Variants in NFIX observed in about 807,000 individuals in gnomAD.
NFIX encodes nuclear factor I X.
In NFIX, 2 loss-of-function variants were observed where a neutral mutation model predicts 53.3. The ratio of observed to expected loss-of-function variants is 0.04; its 90% CI spans 0.02 to 0.12. The LOEUF is 0.12. Ranked by LOEUF, NFIX falls within the 10% of genes least tolerant of loss-of-function variation. The pLI is 1.00. For synonymous variants in NFIX, 244 were observed against 289.0 expected, an observed-to-expected ratio of 0.84 and a Z score of 1.58; for missense variants, 310 against 674.5, an observed-to-expected ratio of 0.46 and a Z score of 5.99.
In NFIX at chr19:13,012,905, G is replaced by A. The variant is rs1207970306; in HGVS notation, c.28-12116G>A. Reference sequence around the variant, plus strand: ...CTTCTCTTTTGGGGGAGTAAAGGCGGGGAAATTTACCAGGGGAGATTTTTG... The same window carrying A: ...CTTCTCTTTTGGGGGAGTAAAGGCGAGGAAATTTACCAGGGGAGATTTTTG... On this transcript the variant is annotated intron_variant, in intron 1 of 10. Coordinates refer to ENST00000592199, the MANE Select transcript of NFIX (RefSeq NM_001365902.3). This position sits in a 1 kb window ranked among gnomAD's most constrained non-coding sequence, Gnocchi z 5.0. Among the ~76,000 whole-genome samples, 1 of 151,768 alleles carries A rather than the reference G, an allele frequency of 6.6e-6. No individual in the cohort carries two copies. The highest frequency in any genetic ancestry group is 2.4e-5 in the African/African-American group (1 of 41,402).
rs1049327584 is a variant in NFIX at position 13,043,768 on chromosome 19, G to A, written c.559+18216G>A. ...AAGTGAGCATGCTCTCATCAGACTT[G>A]GTCCCCACTGCCATGGCACTCTTAT... On this transcript the variant is annotated intron_variant, in intron 2 of 10. Coordinates refer to ENST00000592199, the MANE Select transcript of NFIX (RefSeq NM_001365902.3). The surrounding 1 kb of genome is among the most constrained non-coding windows in gnomAD (Gnocchi z 4.0). Among the ~76,000 whole-genome samples the A allele has an allele frequency of 1.3e-5, 2 of 152,136 alleles. No homozygotes were observed. The highest frequency in any genetic ancestry group is 1.3e-4 in the Admixed American group (2 of 15,284).
Position 12,998,965 on chromosome 19 carries a change from C to G in NFIX, c.27+3101C>G, listed in dbSNP as rs1378738062. Among the ~76,000 whole-genome samples, 1 of 152,070 alleles carries G rather than the reference C, an allele frequency of 6.6e-6. No homozygotes were observed. Among genetic ancestry groups the G allele is most frequent in the East Asian group, 1.9e-4 (1 of 5,188 alleles). On this transcript the variant is annotated intron_variant, in intron 1 of 10. Transcript: ENST00000592199. The surrounding 1 kb of genome is among the most constrained non-coding windows in gnomAD (Gnocchi z 4.4). The stretch of plus-strand genomic sequence containing the variant: ...AAACCCCTCGAGATGATACAGATAG[C>G]GACGAAGGCACATGGAGACCACGAC...
chr19:13,010,291 A>T (rs560692719), intron 1 of NFIX, among the ~76,000 whole-genome samples: 1 of 152,318 alleles, frequency 6.6e-6, no homozygotes, highest in Admixed American at 6.5e-5. Context: ...GTTACTCCCA[A>T]GGCGTGCGCA....
rs1282068035 is a variant in NFIX, at chr19:13,090,521, G to A, written c.1494+131G>A. 2.3e-6 allele frequency: 2 copies of A among 884,272 alleles called. No homozygotes were observed. Among genetic ancestry groups the A allele is most frequent in the East Asian group, 5.1e-5 (2 of 39,298 alleles). 54.8% of individuals were successfully genotyped at this position (884,272 alleles called of 1,614,324 possible). ...GAGAGAGAGGTCTGAGGTGGGGCTG[G>A]AGGGCCCAGGCTTTTGCACGCCCAG... On this transcript the variant is annotated intron_variant, in intron 10 of 10. Coordinates refer to ENST00000592199, the MANE Select transcript of NFIX (RefSeq NM_001365902.3). This position sits in a 1 kb window ranked among gnomAD's most constrained non-coding sequence, Gnocchi z 6.6.
At position 13,097,314 on chromosome 19, in the gene NFIX, AC is replaced by A. The variant is rs1193819666; in HGVS notation, c.*2666del. ...GTTCACATTTTAGAGTTTAAAAAAA[AC>A]ACCTCGACATTTAAAAAATCAACCA... is the stretch of plus-strand genomic sequence containing the variant. On this transcript the variant is annotated 3_prime_UTR_variant, in exon 11 of 11. Coordinates refer to ENST00000592199, the MANE Select transcript of NFIX (RefSeq NM_001365902.3). 2 of 151,712 alleles carry A rather than the reference AC, an allele frequency of 1.3e-5. No individual in the cohort carries two copies. Among genetic ancestry groups the A allele is most frequent in the Non-Finnish European group, 2.9e-5 (2 of 67,856 alleles). 9.4% of individuals were successfully genotyped at this position (151,712 alleles called of 1,614,324 possible). A position where few individuals can be genotyped will look rare whatever the true frequency, so the allele number is the denominator to read the frequency against.
chr19:13,049,834 C>T lies in NFIX; in HGVS notation c.560-23213C>T, dbSNP rs558372875. The stretch of plus-strand genomic sequence containing the variant: ...GTCTCGAACTCCTGATCTCGTGATC[C>T]GCTCACCTCGGCCTCCCAAAGTGTT... On this transcript the variant is annotated intron_variant, in intron 2 of 10. Coordinates refer to ENST00000592199, the MANE Select transcript of NFIX (RefSeq NM_001365902.3). This position sits in a 1 kb window ranked among gnomAD's most constrained non-coding sequence, Gnocchi z 4.5. Among the ~76,000 whole-genome samples the T allele has an allele frequency of 2.2e-4, 34 of 152,222 alleles. No individual in the cohort carries two copies. Among genetic ancestry groups the T allele is most frequent in the African/African-American group, 6.7e-4 (28 of 41,538 alleles).
In NFIX at chr19:12,996,603, C is replaced by A. The variant is rs1031528262; in HGVS notation, c.27+739C>A. 6.6e-6 allele frequency among the ~76,000 whole-genome samples: 1 copy of A among 152,210 alleles called. No individual in the cohort carries two copies. Among genetic ancestry groups the A allele is most frequent in the Non-Finnish European group, 1.5e-5 (1 of 68,026 alleles). ...ACGTCGCAGCCTCTGCCCCCCCACC[C>A]CCAAACTTTCCTCGGCGCAAACTTT... On this transcript the variant is annotated intron_variant, in intron 1 of 10. Coordinates refer to ENST00000592199, the MANE Select transcript of NFIX (RefSeq NM_001365902.3). This position sits in a 1 kb window ranked among gnomAD's most constrained non-coding sequence, Gnocchi z 5.2.
In NFIX at chr19:13,078,295, C is replaced by T. The variant is rs1174352743; in HGVS notation, c.956-318C>T. ...GTTGGTCCTGCATCCCACCCTTTCA[C>T]TTCATTACCTGCTTGCCAGGGCATA... On this transcript the variant is annotated intron_variant, in intron 6 of 10. Coordinates refer to ENST00000592199, the MANE Select transcript of NFIX (RefSeq NM_001365902.3). The surrounding 1 kb of genome is among the most constrained non-coding windows in gnomAD (Gnocchi z 4.7). Among the ~76,000 whole-genome samples, 1 of 152,240 alleles carries T rather than the reference C, an allele frequency of 6.6e-6. No homozygotes were observed. Among genetic ancestry groups the T allele is most frequent in the Non-Finnish European group, 1.5e-5 (1 of 68,040 alleles).
rs2014225317 is a variant in NFIX, at chr19:13,036,733, G to A, written c.559+11181G>A. Among the ~76,000 whole-genome samples the A allele has an allele frequency of 6.6e-6, 1 of 152,154 alleles. No individual in the cohort carries two copies. Among genetic ancestry groups the A allele is most frequent in the African/African-American group, 2.4e-5 (1 of 41,414 alleles). On this transcript the variant is annotated intron_variant, in intron 2 of 10. Transcript: ENST00000592199. The surrounding 1 kb of genome is among the most constrained non-coding windows in gnomAD (Gnocchi z 4.7). ...AGAATACAGACAGGGGGTGTAATAA[G>A]TGTATATCCTCTGGCTATAAATAGC...
Position 12,996,345 on chromosome 19 carries a change from G to T in NFIX, c.27+481G>T, listed in dbSNP as rs535062481. Among the ~76,000 whole-genome samples, 20 of 152,214 alleles carry T rather than the reference G, an allele frequency of 1.3e-4. No individual in the cohort carries two copies. Among genetic ancestry groups the T allele is most frequent in the Admixed American group, 1.1e-3 (17 of 15,300 alleles). On this transcript the variant is annotated intron_variant, in intron 1 of 10. Coordinates refer to ENST00000592199, the MANE Select transcript of NFIX (RefSeq NM_001365902.3). This position sits in a 1 kb window ranked among gnomAD's most constrained non-coding sequence, Gnocchi z 5.2. ...GGTCCCGCGACGCTTCCTGGGGAGGGCGCAGCGGTTCCCGAGGGTGGCAGT... is the reference window on the plus strand; with the variant it reads ...GGTCCCGCGACGCTTCCTGGGGAGGTCGCAGCGGTTCCCGAGGGTGGCAGT...
intron 2 of NFIX, chr19:13,070,653 GATGGCTGCCAAGGTCTAAA>G (rs1568313239): frequency 6.6e-6 from 1 of 152,530 alleles, no homozygotes; most frequent in Non-Finnish European, 1.5e-5. Context: ...CCAGCCGTAA[GATGGCTGCCAAGGTCTAAA>G]ATGGCTGCCA....
chr19:13,020,355 T>C (rs548184294), intron 1 of NFIX, among the ~76,000 whole-genome samples: 1 of 152,164 alleles, frequency 6.6e-6, no homozygotes, highest in African/African-American at 2.4e-5. Context: ...ATGTTTCTAA[T>C]GGAACCCGAG....
chr19:13,016,760 G>A (rs73507338), intron 1 of NFIX, among the ~76,000 whole-genome samples: 1,602 of 149,116 alleles, frequency 0.011, 26 homozygotes, highest in African/African-American at 0.037. Flanking sequence ...CTTTTCTTTC[G>A]CCCTCTCTGT....
At chr19:13,030,751 G>C (rs2013739741) in intron 2 of NFIX, among the ~76,000 whole-genome samples, 1 of 152,188 alleles carries the variant, frequency 6.6e-6, no homozygotes, top group Non-Finnish European at 1.5e-5. Flanking sequence ...GAAACTCCAA[G>C]CATGATCAGA....
In NFIX at chr19:12,996,225, C is replaced by T. The variant is rs2145118466; in HGVS notation, c.27+361C>T. Among the ~76,000 whole-genome samples, 3 of 152,016 alleles carry T rather than the reference C, an allele frequency of 2.0e-5. No individual in the cohort carries two copies. The East Asian group carries it at 5.9e-4, about 30-fold the overall frequency. On this transcript the variant is annotated intron_variant, in intron 1 of 10. Coordinates refer to ENST00000592199, the MANE Select transcript of NFIX (RefSeq NM_001365902.3). The surrounding 1 kb of genome is among the most constrained non-coding windows in gnomAD (Gnocchi z 5.2). ...GGGACTCCGGCTGACCTGTGGGCTA[C>T]TGTAGCGCGCACCCGGGCAGCGTGG...
At chr19:13,091,286 C>T (rs1458008255) in intron 10 of NFIX, among the ~76,000 whole-genome samples, 1 of 151,726 alleles carries the variant, frequency 6.6e-6, no homozygotes, top group Non-Finnish European at 1.5e-5. Flanking sequence ...GGGGCCACCT[C>T]TCATCTCCTG....
intron 2 of NFIX, among the ~76,000 whole-genome samples, chr19:13,054,691 T>G (rs1486773086): frequency 1.3e-5 from 2 of 152,104 alleles, no homozygotes; most frequent in Non-Finnish European, 2.9e-5. Context: ...CATGTCACTC[T>G]GTAACAGCAG....
rs973263928 is a variant in NFIX, at chr19:12,998,315, T to C, written c.27+2451T>C. Among the ~76,000 whole-genome samples, 50 of 152,068 alleles carry C rather than the reference T, an allele frequency of 3.3e-4. No individual in the cohort carries two copies. Among genetic ancestry groups the C allele is most frequent in the Non-Finnish European group, 6.0e-4 (41 of 68,004 alleles). On this transcript the variant is annotated intron_variant, in intron 1 of 10. Coordinates refer to ENST00000592199, the MANE Select transcript of NFIX (RefSeq NM_001365902.3). This position sits in a 1 kb window ranked among gnomAD's most constrained non-coding sequence, Gnocchi z 4.4. ...TCTCTCTGTCTCTCTGGCCTGCCTC[T>C]CTCTCTTTCCCTCTCTCTCTCTCCC...
At position 13,060,011 on chromosome 19, in the gene NFIX, C is replaced by G. The variant is rs1394503307; in HGVS notation, c.560-13036C>G. On this transcript the variant is annotated intron_variant, in intron 2 of 10. Transcript: ENST00000592199. The surrounding 1 kb of genome is among the most constrained non-coding windows in gnomAD (Gnocchi z 4.3). ...CATTGTTGCCCTGGGTGGTCTCGAA[C>G]TCCTGAGCTCAGGCGATCCACTCGC... Among the ~76,000 whole-genome samples, 1 of 152,050 alleles carries G rather than the reference C, an allele frequency of 6.6e-6. No homozygotes were observed. Among genetic ancestry groups the G allele is most frequent in the Non-Finnish European group, 1.5e-5 (1 of 68,000 alleles).
Sources: allele counts gnomAD v4.1 joint callset (sites outside exome capture counted in the v4.1 genomes callset), GRCh38; gene constraint gnomAD v4.1.1; non-coding constraint Gnocchi (gnomAD v3.1); transcripts MANE v1.5; gene names NCBI Gene and HGNC (gene_info 2026-07-23, HGNC 2026-07-21).